The following ERC2 variants were observed in gnomAD, a reference collection of about 807,000 sequenced individuals.
ERC2 encodes the protein ELKS/RAB6-interacting/CAST family member 2, also known as ERC protein 2.
In ERC2, 42 loss-of-function variants were observed where a neutral mutation model predicts 114.8. The ratio of observed to expected loss-of-function variants is 0.37; its 90% confidence interval spans 0.29 to 0.47. ERC2 has a LOEUF of 0.47. Ranked by LOEUF, ERC2 falls within the 20% of genes least tolerant of loss-of-function variation. ERC2 has a pLI of 0.99. For synonymous variants in ERC2, 454 were observed against 425.5 expected, an observed-to-expected ratio of 1.07 and a Z score of -0.82; for missense variants, 939 against 1,150.7, an observed-to-expected ratio of 0.82 and a Z score of 2.66.
chr3:55,934,503 G>A (rs1216876140), intron 13 of ERC2, among the ~76,000 whole-genome samples: 4 of 152,166 alleles, frequency 2.6e-5, no homozygotes, highest in Admixed American at 2.6e-4. Flanking sequence ...TAAGAAAACT[G>A]AGGCATAGCA....
At chr3:56,413,104 A>G (rs1192872446) in intron 2 of ERC2, among the ~76,000 whole-genome samples, 1 of 152,218 alleles carries the variant, frequency 6.6e-6, no homozygotes, top group East Asian at 1.9e-4. Flanking sequence ...TGACTAGGAC[A>G]TGCTGTGCTG....
chr3:56,425,570 T>C (rs1004946260), intron 2 of ERC2, among the ~76,000 whole-genome samples: 2 of 151,150 alleles, frequency 1.3e-5, no homozygotes, highest in Non-Finnish European at 3.0e-5. Flanking sequence ...CTTTTTTTTT[T>C]TTTTTTTTTT....
intron 2 of ERC2, among the ~76,000 whole-genome samples, chr3:56,402,588 G>C (rs1481132753): frequency 6.6e-6 from 1 of 152,156 alleles, no homozygotes; most frequent in Non-Finnish European, 1.5e-5. Flanking sequence ...CCCACTAACA[G>C]TGATTAGGGT....
chr3:55,921,737 G>A (rs992721960), intron 13 of ERC2, among the ~76,000 whole-genome samples: 1 of 152,114 alleles, frequency 6.6e-6, no homozygotes, highest in Non-Finnish European at 1.5e-5. Context: ...CATATATGGA[G>A]AGTATTAATT....
intron 12 of ERC2, among the ~76,000 whole-genome samples, chr3:55,972,148 C>T (rs1485697383): frequency 6.6e-6 from 1 of 152,084 alleles, no homozygotes; most frequent in Non-Finnish European, 1.5e-5. Context: ...ATGGGTCAGG[C>T]ATTGAGAACA....
chr3:56,322,677 A>T (rs1283222588), intron 2 of ERC2, among the ~76,000 whole-genome samples: 1 of 152,128 alleles, frequency 6.6e-6, no homozygotes, highest in Admixed American at 6.6e-5. Flanking sequence ...CTGCCTGGAG[A>T]CAGTGTCCAG....
intron 14 of ERC2, among the ~76,000 whole-genome samples, chr3:55,818,410 T>A (rs953179142): frequency 2.6e-5 from 4 of 152,238 alleles, no homozygotes; most frequent in Non-Finnish European, 4.4e-5. Context: ...GATATCAATG[T>A]ATATCTCACT....
intron 4 of ERC2, among the ~76,000 whole-genome samples, chr3:56,162,596 T>C (rs1301361387): frequency 6.6e-6 from 1 of 152,188 alleles, no homozygotes; most frequent in Non-Finnish European, 1.5e-5. Context: ...GTCTTCCTCA[T>C]TGAATCTTGG....
chr3:55,766,460 A>G (rs1402362883), intron 14 of ERC2, among the ~76,000 whole-genome samples: 1 of 152,110 alleles, frequency 6.6e-6, no homozygotes, highest in Non-Finnish European at 1.5e-5. Context: ...CCAGAGAGTG[A>G]TTCTAATTGA....
At chr3:55,621,245 A>G (rs2059316899) in intron 17 of ERC2, among the ~76,000 whole-genome samples, 1 of 152,088 alleles carries the variant, frequency 6.6e-6, no homozygotes, top group South Asian at 2.1e-4. Context: ...AGACACTACT[A>G]TAAAACACCC....
rs71099637 is a variant in ERC2 at position 56,446,629 on chromosome 3, C to CTTTT, written c.-140-11486_-140-11483dup. Among the ~76,000 whole-genome samples, 529 of 131,936 alleles carry CTTTT rather than the reference C, an allele frequency of 4.0e-3. 21 individuals carry two copies. Among genetic ancestry groups the CTTTT allele is most frequent in the African/African-American group, 0.015 (507 of 34,760 alleles). The allele number at this position is 131,936 out of a possible 152,430, so 86.6% of individuals were successfully genotyped here. On this transcript the variant is annotated intron_variant, in intron 1 of 17. Transcript: ENST00000288221. ...TTTTCTTCTTTTTTTTTTTTTCTTT[C>CTTTT]TTTTTTTTTTTTTTGAGACGGGGTC...
intron 15 of ERC2, among the ~76,000 whole-genome samples, chr3:55,703,958 A>G (rs2063355458): frequency 6.6e-6 from 1 of 152,172 alleles, no homozygotes; most frequent in Non-Finnish European, 1.5e-5. Flanking sequence ...CACCTCCCTG[A>G]TTACTTACCT....
intron 17 of ERC2, among the ~76,000 whole-genome samples, chr3:55,550,812 C>T (rs56170207): frequency 0.018 from 2,677 of 151,936 alleles, 61 homozygotes; most frequent in African/African-American, 0.049. Context: ...GTCAGGAGAT[C>T]GAGACCATCC....
At chr3:55,647,769 C>T (rs546423467) in intron 17 of ERC2, among the ~76,000 whole-genome samples, 34 of 152,304 alleles carry the variant, frequency 2.2e-4, no homozygotes, top group African/African-American at 7.5e-4. Context: ...CTGATCTAGG[C>T]CCATCTTTCT....
At chr3:56,050,248 A>T (rs943280488) in intron 7 of ERC2, among the ~76,000 whole-genome samples, 2 of 152,210 alleles carry the variant, frequency 1.3e-5, no homozygotes, top group African/African-American at 4.8e-5. Flanking sequence ...GCTTATATTA[A>T]TAGGTTTAAA....
At chr3:55,713,579 G>C (rs1036731325) in intron 15 of ERC2, among the ~76,000 whole-genome samples, 9 of 152,198 alleles carry the variant, frequency 5.9e-5, no homozygotes, top group Admixed American at 5.2e-4. Context: ...TCATCTCGCT[G>C]AGATGTTTCT....
intron 12 of ERC2, among the ~76,000 whole-genome samples, chr3:55,982,300 T>C (rs2070212361): frequency 6.6e-6 from 1 of 152,220 alleles, no homozygotes; most frequent in Admixed American, 6.5e-5. Context: ...ATCCCATCTG[T>C]AAATCAAAAT....
rs184799692 is a variant in ERC2 at position 55,953,190 on chromosome 3, G to A, written c.2268-2630C>T. On this transcript the variant is annotated intron_variant, in intron 12 of 17. Coordinates refer to ENST00000288221, the MANE Select transcript of ERC2 (RefSeq NM_015576.3). ...ACTGCACTCCAGCCTGGGTGACAGA[G>A]TGAAACTCCATCTCAAAAAAAAAAA... Among the ~76,000 whole-genome samples the A allele has an allele frequency of 9.7e-3, 1,285 of 132,106 alleles. 6 individuals carry two copies. Among genetic ancestry groups the A allele is most frequent in the Non-Finnish European group, 0.015 (951 of 62,498 alleles). 86.7% of individuals were successfully genotyped at this position (132,106 alleles called of 152,430 possible). A position where few individuals can be genotyped will look rare whatever the true frequency, so the allele number is the denominator to read the frequency against.
intron 2 of ERC2, among the ~76,000 whole-genome samples, chr3:56,400,996 G>GT (rs990105482): frequency 3.6e-4 from 55 of 152,232 alleles, no homozygotes; most frequent in Non-Finnish European, 3.4e-4. Context: ...TCTCTGGTTT[G>GT]TTTTTTCCCA....
Sources: allele counts gnomAD v4.1 joint callset (sites outside exome capture counted in the v4.1 genomes callset), GRCh38; gene constraint gnomAD v4.1.1; transcripts MANE v1.5; gene names NCBI Gene and HGNC (gene_info 2026-07-23, HGNC 2026-07-21).